KLF12: variants seen among roughly 807,000 people sequenced by gnomAD.
The protein encoded by KLF12 is Krueppel-like factor 12.
KLF12 carries 9 observed loss-of-function variants against 37.8 expected under a neutral mutation model. That is an observed-to-expected ratio of 0.24 (90% CI 0.14 to 0.42). The LOEUF (loss-of-function observed/expected upper bound fraction) is 0.42. KLF12 is among the 10% of genes least tolerant of loss of function. The pLI, the probability that KLF12 is intolerant of heterozygous loss-of-function variation, is 1.00. For synonymous variants in KLF12, 208 were observed against 202.1 expected (o/e 1.03, Z -0.25); for missense variants, 411 against 516.0 (o/e 0.80, Z 1.97).
the KLF12 span, among the ~76,000 whole-genome samples, chr13:74,194,610 G>A: frequency 3.9e-5 from 6 of 152,250 alleles, no homozygotes; most frequent in African/African-American, 7.2e-5. Context: ...CCTCTTAAAG[G>A]TTCCATCTCC....
At chr13:74,182,878 G>A in the KLF12 span, among the ~76,000 whole-genome samples, 1 of 151,710 alleles carries the variant, frequency 6.6e-6, no homozygotes, top group Non-Finnish European at 1.5e-5. Flanking sequence ...TAACACTTTA[G>A]TACATGTGAC....
chr13:74,060,756 T>G (rs1873548596), intron 1 of KLF12, among the ~76,000 whole-genome samples: 1 of 152,188 alleles, frequency 6.6e-6, no homozygotes, highest in African/African-American at 2.4e-5. Context: ...TGGATGTCTT[T>G]TATTTCTCTC....
At chr13:74,113,833 T>C (rs1343720258) in intron 1 of KLF12, among the ~76,000 whole-genome samples, 2 of 152,178 alleles carry the variant, frequency 1.3e-5, no homozygotes, top group Non-Finnish European at 2.9e-5. Context: ...GCAAAGTAAA[T>C]TGAAAACCTT....
chr13:73,863,677 G>C (rs149125072), intron 3 of KLF12, among the ~76,000 whole-genome samples: 1 of 152,076 alleles, frequency 6.6e-6, no homozygotes, highest in African/African-American at 2.4e-5. Context: ...GTATACTGTA[G>C]GGTCAAATAT....
chr13:74,220,333 A>G, the KLF12 span, among the ~76,000 whole-genome samples: 5 of 152,200 alleles, frequency 3.3e-5, no homozygotes, highest in African/African-American at 1.2e-4. Context: ...AAAGCTGTTA[A>G]GAGGATGCTT....
At chr13:73,913,083 C>T (rs957851802) in intron 3 of KLF12, among the ~76,000 whole-genome samples, 3 of 152,190 alleles carry the variant, frequency 2.0e-5, no homozygotes, top group Admixed American at 2.0e-4. Flanking sequence ...ACGTATCTGT[C>T]TTCCCCACTA....
At chr13:73,716,876 A>T (rs1362599059) in intron 6 of KLF12, among the ~76,000 whole-genome samples, 1 of 152,148 alleles carries the variant, frequency 6.6e-6, no homozygotes, top group African/African-American at 2.4e-5. Flanking sequence ...TATTTTAACC[A>T]TCTCCAAAAT....
At chr13:74,034,489 G>A (rs9573343) in intron 1 of KLF12, among the ~76,000 whole-genome samples, 124,019 of 152,210 alleles carry the variant, frequency 0.81, 50,679 homozygotes, top group East Asian at 0.91. Context: ...TGTCATATAT[G>A]TTGTAAATGG....
At chr13:74,115,727 C>T (rs1473260512) in intron 1 of KLF12, among the ~76,000 whole-genome samples, 7 of 150,334 alleles carry the variant, frequency 4.7e-5, no homozygotes, top group African/African-American at 1.7e-4. Flanking sequence ...AAAATCTTTT[C>T]CTTGCCTCTT....
chr13:73,931,399 T>A (rs995876877), intron 3 of KLF12, among the ~76,000 whole-genome samples: 1 of 152,114 alleles, frequency 6.6e-6, no homozygotes, highest in Non-Finnish European at 1.5e-5. Context: ...AAACACTGCA[T>A]AGAAATGTGA....
In KLF12 at chr13:73,695,432, T is replaced by G; in HGVS notation, c.*58A>C. 6.4e-7 allele frequency: 1 copy of G among 1,552,782 alleles called. No individual in the cohort carries two copies. Among genetic ancestry groups the G allele is most frequent in the Non-Finnish European group, 8.8e-7 (1 of 1,130,072 alleles). ...CACTGTGAAGGGGATTCAGCCCTGC[T>G]GAATTGGGTGCCGCTAAGAGATCCA... On this transcript the variant is annotated 3_prime_UTR_variant, in exon 8 of 8. Transcript: ENST00000377669.
intron 1 of KLF12, among the ~76,000 whole-genome samples, chr13:74,123,643 T>C (rs1272959767): frequency 6.6e-6 from 1 of 152,246 alleles, no homozygotes; most frequent in African/African-American, 2.4e-5. Context: ...CTGTTACATA[T>C]GGATTCTTTC....
At chr13:74,149,895 C>T in the KLF12 span, among the ~76,000 whole-genome samples, 3 of 152,184 alleles carry the variant, frequency 2.0e-5, no homozygotes, top group Non-Finnish European at 1.5e-5. Context: ...CCATCTGCCT[C>T]GGGGACTCTG....
intron 1 of KLF12, among the ~76,000 whole-genome samples, chr13:74,049,951 G>A (rs773673758): frequency 2.7e-5 from 4 of 147,084 alleles, no homozygotes; most frequent in Non-Finnish European, 6.0e-5. Flanking sequence ...TGGATACCAT[G>A]AGATTTCTGG....
intron 1 of KLF12, among the ~76,000 whole-genome samples, chr13:74,083,038 G>A (rs1875006852): frequency 6.6e-6 from 1 of 152,128 alleles, no homozygotes; most frequent in Admixed American, 6.5e-5. Flanking sequence ...ACTTGACAAA[G>A]TTTACCTTGG....
chr13:73,848,082 G>T lies in KLF12; in HGVS notation c.124-1709C>A, dbSNP rs552577563. Among the ~76,000 whole-genome samples the T allele has an allele frequency of 3.3e-5, 5 of 152,244 alleles. No homozygotes were observed. The South Asian group carries it at 1.0e-3, about 32-fold the overall frequency. On this transcript the variant is annotated intron_variant, in intron 3 of 7. Transcript: ENST00000377669. ...ACATATTATTAAACACCACTAGTTTGACTTTAAATATAGTCTAGGTAAGTT... is the reference window on the plus strand; with the variant it reads ...ACATATTATTAAACACCACTAGTTTTACTTTAAATATAGTCTAGGTAAGTT...
At chr13:74,293,172 G>GAATAC in the KLF12 span, among the ~76,000 whole-genome samples, 1 of 152,178 alleles carries the variant, frequency 6.6e-6, no homozygotes, top group Non-Finnish European at 1.5e-5. Context: ...AAGACAATGA[G>GAATAC]AATACACAGT....
In KLF12 at chr13:73,690,197, AG is replaced by A. The variant is rs1429156598; in HGVS notation, c.*5292del. 1.3e-5 allele frequency: 2 copies of A among 152,596 alleles called. No individual in the cohort carries two copies. Among genetic ancestry groups the A allele is most frequent in the Non-Finnish European group, 2.9e-5 (2 of 68,018 alleles). 9.5% of individuals were successfully genotyped at this position (152,596 alleles called of 1,614,324 possible). Reference sequence around the variant, plus strand: ...TTATTAAGAATTATTGCTGTGTAAAAGTATAGGAATATCTCATTGGTCATAA... The same window carrying A: ...TTATTAAGAATTATTGCTGTGTAAAATATAGGAATATCTCATTGGTCATAA... On this transcript the variant is annotated 3_prime_UTR_variant, in exon 8 of 8. Transcript: ENST00000377669.
chr13:73,756,714 C>T (rs769271259), intron 6 of KLF12, among the ~76,000 whole-genome samples: 9 of 152,050 alleles, frequency 5.9e-5, no homozygotes, highest in Non-Finnish European at 1.0e-4. Context: ...GGAAACTACT[C>T]CCACCTCATC....
Sources: allele counts gnomAD v4.1 joint callset (sites outside exome capture counted in the v4.1 genomes callset), GRCh38; gene constraint gnomAD v4.1.1; transcripts MANE v1.5; gene names NCBI Gene and HGNC (gene_info 2026-07-23, HGNC 2026-07-21).